PHF14: variants seen among roughly 807,000 people sequenced by gnomAD.
PHF14 encodes PHD finger protein 14.
PHF14 carries 55 observed loss-of-function variants against 117.9 expected under a neutral mutation model. That is an observed-to-expected ratio of 0.47 (90% confidence interval 0.38 to 0.58). PHF14 has a LOEUF of 0.58. Among genes scored for constraint, PHF14 ranks in the 20% least tolerant of loss-of-function variants. The probability of loss-of-function intolerance (pLI) is 0.00; values close to 1 mark genes in which losing one functional copy is unlikely to be tolerated. For missense variants in PHF14, 978 were observed against 1,122.2 expected (o/e 0.87, Z 1.84); for synonymous variants, 409 against 368.6 (o/e 1.11, Z -1.26).
chr7:11,122,352 T>TATATATATATATATACACACACAC, intron 17 of PHF14, among the ~76,000 whole-genome samples: 62 of 65,850 alleles, frequency 9.4e-4, no homozygotes, highest in Admixed American at 1.6e-3. Context: ...TATATATATA[T>TATATATATATATATACACACACAC]ACACACACAC....
rs1459447587 is a variant in PHF14, at chr7:11,036,627, G to A, written c.1812G>A (p.Val604=). ...ACAATTCAGATACTAGTTCTAGTGT[G>A]GATGGAAGGAGAAAACATAAGCAAC... The part of the protein sequence containing the change: ...PVDNSDTSSS[V]DGRRKHKQPA... Residue 604 remains valine (V), a synonymous_variant, in exon 9 of 18, where the codon GTG becomes GTA. Transcript: ENST00000634607. 8.7e-6 allele frequency: 14 copies of A among 1,613,658 alleles called. No individual in the cohort carries two copies. Among genetic ancestry groups the A allele is most frequent in the Non-Finnish European group, 1.2e-5 (14 of 1,179,760 alleles).
At chr7:10,994,886 C>G (rs1231407596) in intron 4 of PHF14, among the ~76,000 whole-genome samples, 1 of 152,148 alleles carries the variant, frequency 6.6e-6, no homozygotes, top group African/African-American at 2.4e-5. Context: ...AAGAACAAAG[C>G]TTCCACAGTG....
chr7:11,040,879 A>G (rs575937975), intron 12 of PHF14, 104 bp downstream of exon 12: 9 of 529,148 alleles, frequency 1.7e-5, no homozygotes, highest in African/African-American at 9.9e-5. Context: ...AATTATGTCC[A>G]TACCAGAATT....
At chr7:11,040,393 C>T (rs374269960) in intron 11 of PHF14, among the ~76,000 whole-genome samples, 5 of 151,966 alleles carry the variant, frequency 3.3e-5, no homozygotes, top group East Asian at 1.9e-4. Context: ...AAACCTCCTA[C>T]GTATGTGTCT....
intron 17 of PHF14, among the ~76,000 whole-genome samples, chr7:11,112,301 T>A (rs1370606364): frequency 6.6e-6 from 1 of 152,170 alleles, no homozygotes; most frequent in Non-Finnish European, 1.5e-5. Context: ...ATTTTTTTGG[T>A]CCTAGAGTGA....
chr7:11,045,444 C>A (rs1006777332), intron 13 of PHF14, among the ~76,000 whole-genome samples: 1 of 152,160 alleles, frequency 6.6e-6, no homozygotes, highest in African/African-American at 2.4e-5. Context: ...TTTTGCAAGC[C>A]TGTGGTAGCA....
At position 11,130,117 on chromosome 7, in the gene PHF14, G is replaced by T. The variant is rs527750333; in HGVS notation, c.2772+18650G>T. Among the ~76,000 whole-genome samples the T allele has an allele frequency of 3.3e-5, 5 of 152,114 alleles. No homozygotes were observed. The South Asian group carries it at 1.0e-3, about 32-fold the overall frequency. On this transcript the variant is annotated intron_variant, in intron 17 of 17. Transcript: ENST00000634607. This position sits in a 1 kb window ranked among gnomAD's most constrained non-coding sequence, Gnocchi z 4.2. ...GCTCATTATAGTCACTTGGGGACCC[G>T]AGCTGATGGAGGTTTTGTTTCAACA...
intron 17 of PHF14, among the ~76,000 whole-genome samples, chr7:11,147,814 A>G (rs1583502004): frequency 6.6e-6 from 1 of 152,228 alleles, no homozygotes; most frequent in East Asian, 1.9e-4. Context: ...AATGTGTAAT[A>G]CCATCCACAA....
intron 16 of PHF14, chr7:11,104,444 C>G: frequency 1.0e-6 from 1 of 964,178 alleles, no homozygotes; most frequent in Non-Finnish European, 1.2e-6. Flanking sequence ...TGTCCATAAT[C>G]GGTCCAACTA....
intron 17 of PHF14, among the ~76,000 whole-genome samples, chr7:11,149,007 G>GA (rs1788632416): frequency 6.6e-6 from 1 of 151,912 alleles, no homozygotes; most frequent in African/African-American, 2.4e-5. Context: ...CCTTGAAATA[G>GA]GGTTTTTTTT....
At chr7:11,111,496 A>G (rs1226994109) in intron 17 of PHF14, 29 bp downstream of exon 17, 2 of 1,114,514 alleles carry the variant, frequency 1.8e-6, no homozygotes, top group Non-Finnish European at 2.7e-6. Context: ...AAGAAAAGGT[A>G]TTGGTGTCCT....
chr7:11,150,335 A>G (rs1271180401), intron 17 of PHF14, among the ~76,000 whole-genome samples: 1 of 152,158 alleles, frequency 6.6e-6, no homozygotes, highest in Non-Finnish European at 1.5e-5. Context: ...AAGAAACATG[A>G]AGGTTTCTGT....
intron 2 of PHF14, among the ~76,000 whole-genome samples, chr7:10,977,585 C>T (rs968916285): frequency 8.6e-5 from 13 of 151,974 alleles, no homozygotes; most frequent in African/African-American, 2.9e-4. Flanking sequence ...GAGCCTGTAC[C>T]TTTAGAAAAT....
intron 17 of PHF14, among the ~76,000 whole-genome samples, chr7:11,113,291 C>T (rs910026388): frequency 6.6e-6 from 1 of 152,110 alleles, no homozygotes; most frequent in East Asian, 1.9e-4. Context: ...TTGTTTGAAA[C>T]ATTGCATACA....
At chr7:11,067,393 A>G (rs535606168) in intron 16 of PHF14, among the ~76,000 whole-genome samples, 2 of 152,330 alleles carry the variant, frequency 1.3e-5, no homozygotes, top group South Asian at 4.1e-4. Flanking sequence ...TGCAGCTACT[A>G]GGGAAAACAG....
rs768323713 is a variant in PHF14, at chr7:11,061,779, GT to G, written c.2482-5del. 7.9e-7 allele frequency: 1 copy of G among 1,272,090 alleles called. No homozygotes were observed. Among genetic ancestry groups the G allele is most frequent in the Non-Finnish European group, 1.0e-6 (1 of 967,212 alleles). 78.8% of individuals were successfully genotyped at this position (1,272,090 alleles called of 1,614,324 possible). On this transcript the variant is annotated splice_polypyrimidine_tract_variant and intron_variant, in intron 14 of 17. Coordinates refer to ENST00000634607, the MANE Select transcript of PHF14 (RefSeq NM_001007157.2). ...ATTTTTGTTTTTTGTTTTTTTTTTTGTTTTTTTCCAGAGAACCAGAGGACGA... is the reference window on the plus strand; with the variant it reads ...ATTTTTGTTTTTTGTTTTTTTTTTTGTTTTTTCCAGAGAACCAGAGGACGA...
rs1229381103 is a variant in PHF14 at position 11,169,540 on chromosome 7, A to G, written c.*50A>G. The G allele has an allele frequency of 4.1e-6, 3 of 739,920 alleles. No individual in the cohort carries two copies. Among genetic ancestry groups the G allele is most frequent in the Non-Finnish European group, 6.4e-6 (3 of 471,700 alleles). The allele number at this position is 739,920 out of a possible 1,614,324, so 45.8% of individuals were successfully genotyped here. ...AAGTTTGCAGCTTATGTAATAGCAGATAAAATTTCTAATTGTAAAATGTTA... is the reference window on the plus strand; with the variant it reads ...AAGTTTGCAGCTTATGTAATAGCAGGTAAAATTTCTAATTGTAAAATGTTA... On this transcript the variant is annotated 3_prime_UTR_variant, in exon 18 of 18. Transcript: ENST00000634607.
At chr7:11,107,251 A>T in intron 16 of PHF14, 2 of 979,338 alleles carry the variant, frequency 2.0e-6, no homozygotes, top group Non-Finnish European at 2.4e-6. Context: ...TGTTATATGG[A>T]TCATAGCACA....
intron 2 of PHF14, among the ~76,000 whole-genome samples, chr7:10,980,081 C>T (rs76176059): frequency 0.02 from 3,019 of 152,174 alleles, 43 homozygotes; most frequent in Middle Eastern, 0.044. Context: ...TTGGCATTGG[C>T]AACTACCAAA....
Sources: allele counts gnomAD v4.1 joint callset (sites outside exome capture counted in the v4.1 genomes callset), GRCh38; gene constraint gnomAD v4.1.1; non-coding constraint Gnocchi (gnomAD v3.1); transcripts MANE v1.5; gene names NCBI Gene and HGNC (gene_info 2026-07-23, HGNC 2026-07-21).